PHF24: variants seen among roughly 807,000 people sequenced by gnomAD.
PHF24 encodes the protein PHD finger protein 24.
Under a neutral mutation model 42.6 loss-of-function variants are expected in PHF24, and 25 were observed. That is an observed-to-expected ratio of 0.59 (90% CI 0.43 to 0.82). PHF24 has a LOEUF of 0.82. Ranked by LOEUF, PHF24 falls within the 40% of genes least tolerant of loss-of-function variation. The pLI is 0.00. For synonymous variants in PHF24, 185 were observed against 204.8 expected, an observed-to-expected ratio of 0.90 and a Z score of 0.83; for missense variants, 470 against 538.1, an observed-to-expected ratio of 0.87 and a Z score of 1.25.
chr9:34,969,168 T>A (rs1362824434), intron 1 of PHF24, among the ~76,000 whole-genome samples: 1 of 152,218 alleles, frequency 6.6e-6, no homozygotes, highest in Non-Finnish European at 1.5e-5. Context: ...AGAGACTGAT[T>A]GTGGGGACTT....
chr9:34,666,844 G>T, the PHF24 span, among the ~76,000 whole-genome samples: 1 of 152,196 alleles, frequency 6.6e-6, no homozygotes, highest in Non-Finnish European at 1.5e-5. Flanking sequence ...TACTCGGGAG[G>T]CTGAGGCAGA....
the PHF24 span, among the ~76,000 whole-genome samples, chr9:34,681,796 G>A: frequency 6.6e-6 from 1 of 152,310 alleles, no homozygotes. Flanking sequence ...GGGTGACAGA[G>A]TGAGACTCCA....
chr9:34,720,422 G>A, the PHF24 span, among the ~76,000 whole-genome samples: 3 of 149,584 alleles, frequency 2.0e-5, no homozygotes, highest in Admixed American at 6.7e-5. Context: ...CCCGCAGTCC[G>A]GCCTGGGCGA....
At chr9:34,763,485 T>G in the PHF24 span, among the ~76,000 whole-genome samples, 1 of 152,202 alleles carries the variant, frequency 6.6e-6, no homozygotes, top group African/African-American at 2.4e-5. Flanking sequence ...CACTCATGAT[T>G]TGGCTCTCTG....
the PHF24 span, among the ~76,000 whole-genome samples, chr9:34,695,934 A>T: frequency 6.6e-6 from 1 of 152,090 alleles, no homozygotes; most frequent in Non-Finnish European, 1.5e-5. Context: ...GAGGGCATGG[A>T]TGGTCTCTGT....
At chr9:34,861,031 A>G in the PHF24 span, among the ~76,000 whole-genome samples, 1 of 152,226 alleles carries the variant, frequency 6.6e-6, no homozygotes, top group Non-Finnish European at 1.5e-5. Flanking sequence ...GCCAAAGATC[A>G]GCATTTCTGG....
chr9:34,801,662 G>C, the PHF24 span, among the ~76,000 whole-genome samples: 10 of 152,188 alleles, frequency 6.6e-5, no homozygotes, highest in Admixed American at 4.6e-4. Flanking sequence ...GGGAGGCAGA[G>C]CTTGCAGTGA....
At chr9:34,909,882 C>T in the PHF24 span, among the ~76,000 whole-genome samples, 4 of 152,192 alleles carry the variant, frequency 2.6e-5, no homozygotes, top group Non-Finnish European at 4.4e-5. Flanking sequence ...CCGCCTTAGC[C>T]TCCCAAAGTG....
At chr9:34,837,429 A>G in the PHF24 span, 1 of 489,882 alleles carries the variant, frequency 2.0e-6, no homozygotes, top group Non-Finnish European at 3.8e-6. Context: ...GACACAGCTA[A>G]GGACATCTGC....
chr9:34,836,083 A>G, the PHF24 span: 10 of 536,892 alleles, frequency 1.9e-5, no homozygotes, highest in Non-Finnish European at 3.0e-5. Context: ...AACATTAATG[A>G]TGGAGTAGCA....
At chr9:34,708,025 C>T in the PHF24 span, among the ~76,000 whole-genome samples, 14 of 152,084 alleles carry the variant, frequency 9.2e-5, no homozygotes, top group Admixed American at 3.3e-4. Context: ...CCACCGCGCC[C>T]GGCCTTGAGG....
At chr9:34,883,566 A>G in the PHF24 span, among the ~76,000 whole-genome samples, 2 of 152,242 alleles carry the variant, frequency 1.3e-5, no homozygotes, top group Admixed American at 1.3e-4. Context: ...ATATGAACAG[A>G]CACTTCTCAA....
chr9:34,723,380 G>A, the PHF24 span: 1 of 1,551,716 alleles, frequency 6.4e-7, no homozygotes, highest in Non-Finnish European at 8.7e-7. Context: ...ATCCAAGAAG[G>A]CTGGGCCCAC....
At chr9:34,714,419 G>A in the PHF24 span, among the ~76,000 whole-genome samples, 4 of 152,294 alleles carry the variant, frequency 2.6e-5, no homozygotes, top group East Asian at 7.7e-4. Context: ...AGATAATTCC[G>A]AAGTCATATT....
At chr9:34,928,459 T>C in the PHF24 span, among the ~76,000 whole-genome samples, 14 of 149,484 alleles carry the variant, frequency 9.4e-5, no homozygotes, top group African/African-American at 3.3e-4. Flanking sequence ...AAATTAAAAA[T>C]TTTTTTAAAA....
the PHF24 span, chr9:34,726,865 G>A: frequency 5.2e-6 from 8 of 1,551,710 alleles, no homozygotes; most frequent in Non-Finnish European, 7.0e-6. Flanking sequence ...AAGTCAGGGA[G>A]ATCTGGTTGT....
At chr9:34,926,316 C>T in the PHF24 span, among the ~76,000 whole-genome samples, 5 of 152,336 alleles carry the variant, frequency 3.3e-5, no homozygotes, top group African/African-American at 1.2e-4. The surrounding 1 kb of genome is among the most constrained non-coding windows in gnomAD (Gnocchi z 4.3). Context: ...AGCTGTTTCT[C>T]GAAGGCCTAG....
At chr9:34,831,365 G>A in the PHF24 span, among the ~76,000 whole-genome samples, 2 of 152,310 alleles carry the variant, frequency 1.3e-5, no homozygotes, top group East Asian at 3.9e-4. Context: ...GGCAAGGAGA[G>A]TGGTGGAGAA....
the PHF24 span, among the ~76,000 whole-genome samples, chr9:34,696,274 G>T: frequency 3.9e-5 from 6 of 152,062 alleles, no homozygotes; most frequent in Non-Finnish European, 8.8e-5. Context: ...GATCACTTGA[G>T]GTCAGGAGTT....
Sources: gnomAD v4.1 joint callset for allele counts (sites outside exome capture counted in the v4.1 genomes callset) on GRCh38, gnomAD v4.1.1 for gene constraint, Gnocchi (gnomAD v3.1) non-coding constraint, MANE v1.5 for transcripts, NCBI Gene and HGNC (gene_info 2026-07-23, HGNC 2026-07-21) for gene names.